CCDC171: variants seen among roughly 807,000 people sequenced by gnomAD.
The protein encoded by CCDC171 is coiled-coil domain-containing protein 171.
Under a neutral mutation model 168.2 loss-of-function variants are expected in CCDC171, and 177 were observed. The ratio of observed to expected loss-of-function variants is 1.05; its 90% CI spans 0.93 to 1.19. CCDC171 has a LOEUF of 1.19. Among genes scored for constraint, CCDC171 ranks in the 50% most tolerant of loss-of-function variants. The probability of loss-of-function intolerance (pLI) is 0.00; values close to 1 mark genes in which losing one functional copy is unlikely to be tolerated. For synonymous variants in CCDC171, 687 were observed against 540.8 expected (o/e 1.27, Z -3.75); for missense variants, 1,991 against 1,539.0 (o/e 1.29, Z -4.91).
Position 16,015,316 on chromosome 9 carries a change from C to G in CCDC171, n.369-5273C>G, listed in dbSNP as rs555236375. On this transcript the variant is annotated intron_variant and non_coding_transcript_variant, in intron 3 of 9. Coordinates refer to the CCDC171 transcript ENST00000486641. Reference sequence around the variant, plus strand: ...TTCTGCAACTTCCTCACCTTCTCAGCCTTCATAGAATTGAAGTGAGTTAGT... The same window carrying G: ...TTCTGCAACTTCCTCACCTTCTCAGGCTTCATAGAATTGAAGTGAGTTAGT... Among the ~76,000 whole-genome samples the G allele has an allele frequency of 4.3e-4, 65 of 152,294 alleles. 1 individual carries two copies. The highest frequency in any genetic ancestry group is 1.4e-3 in the African/African-American group (57 of 41,572).
chr9:15,906,773 C>G (rs139673512), intron 24 of CCDC171, among the ~76,000 whole-genome samples: 2 of 151,866 alleles, frequency 1.3e-5, no homozygotes, highest in African/African-American at 2.4e-5. Flanking sequence ...TCTAGAAAAC[C>G]CCATCGTCTC....
At chr9:15,580,582 C>G (rs1347280327) in intron 4 of CCDC171, among the ~76,000 whole-genome samples, 1 of 151,916 alleles carries the variant, frequency 6.6e-6, no homozygotes, top group Non-Finnish European at 1.5e-5. Context: ...CATATATAGA[C>G]AATTCTTAAA....
At chr9:15,743,138 C>CTTT (rs66642691) in intron 16 of CCDC171, among the ~76,000 whole-genome samples, 35 of 73,248 alleles carry the variant, frequency 4.8e-4, no homozygotes, top group African/African-American at 1.1e-3. Context: ...CTGTTACCTT[C>CTTT]TTTTTTTTTT....
intron 6 of CCDC171, among the ~76,000 whole-genome samples, chr9:15,598,186 T>C (rs13299710): frequency 6.6e-6 from 1 of 152,024 alleles, no homozygotes; most frequent in African/African-American, 2.4e-5. Flanking sequence ...CTTGCCTTCT[T>C]CTAGCTTTTG....
intron 18 of CCDC171, among the ~76,000 whole-genome samples, chr9:15,771,342 T>A (rs1347550487): frequency 6.6e-6 from 1 of 152,210 alleles, no homozygotes; most frequent in Non-Finnish European, 1.5e-5. Flanking sequence ...ATAACACCTT[T>A]GGCATGCAAA....
Position 15,586,021 on chromosome 9 carries a change from G to T in CCDC171, c.353-5345G>T, listed in dbSNP as rs1429528959. Among the ~76,000 whole-genome samples, 6 of 152,112 alleles carry T rather than the reference G, an allele frequency of 3.9e-5. No homozygotes were observed. The East Asian group carries it at 5.8e-4, about 15-fold the overall frequency. ...TCCTTGAACAGTACACTAAAGATTT[G>T]TGCATTCTACTAGATGTACATTTTA... On this transcript the variant is annotated intron_variant, in intron 4 of 25. Transcript: ENST00000380701.
intron 10 of CCDC171, among the ~76,000 whole-genome samples, chr9:15,684,987 A>G (rs1016169053): frequency 3.3e-5 from 5 of 152,232 alleles, no homozygotes; most frequent in Non-Finnish European, 5.9e-5. Context: ...TAGCCAACAT[A>G]GCATTAAGGG....
intron 2 of CCDC171, among the ~76,000 whole-genome samples, chr9:15,566,706 A>G (rs1197860128): frequency 1.3e-5 from 2 of 152,278 alleles, no homozygotes; most frequent in South Asian, 4.1e-4. Context: ...TTCTTTTCCT[A>G]TAGGAGTTGT....
chr9:15,612,863 CTGTT>C (rs1391269546), intron 6 of CCDC171, among the ~76,000 whole-genome samples: 1 of 152,178 alleles, frequency 6.6e-6, no homozygotes, highest in Non-Finnish European at 1.5e-5. Flanking sequence ...CACTGAACAT[CTGTT>C]TGAGGACTGA....
chr9:15,686,187 C>T lies in CCDC171; in HGVS notation c.1215+7291C>T, dbSNP rs569099913. Among the ~76,000 whole-genome samples, 13 of 152,202 alleles carry T rather than the reference C, an allele frequency of 8.5e-5. No homozygotes were observed. In the South Asian group the frequency reaches 1.7e-3, roughly 19 times the overall value. On this transcript the variant is annotated intron_variant, in intron 10 of 25. Coordinates refer to ENST00000380701, the MANE Select transcript of CCDC171 (RefSeq NM_173550.4). ...TTATCTGGCTTTCTATAGATATATT[C>T]CTGTAAATTTTTATACCTTGATATT...
At chr9:15,756,786 G>T (rs966528648) in intron 18 of CCDC171, among the ~76,000 whole-genome samples, 1 of 152,202 alleles carries the variant, frequency 6.6e-6, no homozygotes, top group Non-Finnish European at 1.5e-5. Context: ...AATCATGGGG[G>T]TGGTTTCCCA....
intron 25 of CCDC171, among the ~76,000 whole-genome samples, chr9:15,940,300 A>G (rs1200656296): frequency 6.6e-6 from 1 of 151,984 alleles, no homozygotes; most frequent in South Asian, 2.1e-4. Flanking sequence ...TATTTGATCT[A>G]CCTGTAGAAC....
chr9:16,068,774 G>GATGTATTCTGCCCGA, the CCDC171 span, among the ~76,000 whole-genome samples: 1 of 151,746 alleles, frequency 6.6e-6, no homozygotes, highest in Non-Finnish European at 1.5e-5. Context: ...ATTCTGCCAG[G>GATGTATTCTGCCCGA]ATACGATGTA....
At chr9:16,061,045 A>T (rs915740011) in exon 2 of CCDC171, 1 of 152,180 alleles carries the variant, frequency 6.6e-6, no homozygotes, top group South Asian at 2.1e-4. Context: ...CGCTCTTATC[A>T]CCAAATGTAT....
chr9:16,077,577 C>T, the CCDC171 span, among the ~76,000 whole-genome samples: 1 of 152,292 alleles, frequency 6.6e-6, no homozygotes, highest in East Asian at 1.9e-4. Context: ...AGTGCTCATC[C>T]AGAGACGACG....
chr9:15,605,464 G>C (rs1014181528), intron 6 of CCDC171, among the ~76,000 whole-genome samples: 5 of 149,642 alleles, frequency 3.3e-5, no homozygotes, highest in Admixed American at 2.0e-4. Flanking sequence ...CAGATCATGA[G>C]GTCAGGAGAT....
At position 15,818,876 on chromosome 9, in the gene CCDC171, T is replaced by C. The variant is rs1216867139; in HGVS notation, c.3268-27826T>C. Among the ~76,000 whole-genome samples the C allele has an allele frequency of 9.5e-5, 11 of 116,260 alleles. 4 individuals are homozygous for C. Among genetic ancestry groups the C allele is most frequent in the Admixed American group, 4.9e-4 (6 of 12,248 alleles). 76.3% of individuals were successfully genotyped at this position (116,260 alleles called of 152,430 possible). On this transcript the variant is annotated intron_variant, in intron 21 of 25. Transcript: ENST00000380701. ...AAATACTCCTCGAGAAGAGCAACTC[T>C]GAGACACATAATTGTCAGATTCCCC...
Position 15,817,506 on chromosome 9 carries a change from C to T in CCDC171, c.3268-29196C>T. ...GGGTCACTCCCACCCTAATACTGCA[C>T]TTTTCCAAAGGGCTTAACAAACAGC... On this transcript the variant is annotated intron_variant, in intron 21 of 25. Coordinates refer to ENST00000380701, the MANE Select transcript of CCDC171 (RefSeq NM_173550.4). Among the ~76,000 whole-genome samples the T allele has an allele frequency of 1.7e-5, 2 of 118,484 alleles. 1 individual carries two copies. The highest frequency in any genetic ancestry group is 5.6e-4 in the South Asian group (2 of 3,602). 77.7% of individuals were successfully genotyped at this position (118,484 alleles called of 152,430 possible).
chr9:15,998,125 C>G (rs1400171620), intron 3 of CCDC171, among the ~76,000 whole-genome samples: 1 of 152,182 alleles, frequency 6.6e-6, no homozygotes, highest in Non-Finnish European at 1.5e-5. Flanking sequence ...CCAAGTCCCC[C>G]AGAGAGATCA....
Sources: allele counts gnomAD v4.1 joint callset (sites outside exome capture counted in the v4.1 genomes callset), GRCh38; gene constraint gnomAD v4.1.1; transcripts MANE v1.5; gene names NCBI Gene and HGNC (gene_info 2026-07-23, HGNC 2026-07-21).